Variants in PTAR1 observed in about 807,000 individuals in gnomAD.
The protein encoded by PTAR1 is protein prenyltransferase alpha subunit repeat containing 1, also known as protein prenyltransferase alpha subunit repeat-containing protein 1.
A neutral mutation model predicts 45.5 loss-of-function variants in PTAR1; 17 were observed. The ratio of observed to expected loss-of-function variants is 0.37; its 90% CI spans 0.26 to 0.56. The LOEUF (loss-of-function observed/expected upper bound fraction) is 0.56. PTAR1 is among the 20% of genes least tolerant of loss of function. PTAR1 has a pLI of 0.77. For synonymous variants in PTAR1, 169 were observed against 171.3 expected (o/e 0.99, Z 0.11); for missense variants, 391 against 476.3 (o/e 0.82, Z 1.67).
At chr9:69,722,464 CCT>C (rs1389452478) in intron 6 of PTAR1, among the ~76,000 whole-genome samples, 1 of 152,148 alleles carries the variant, frequency 6.6e-6, no homozygotes, top group Admixed American at 6.6e-5. Context: ...CAGACTTTCC[CCT>C]CTCTCAAAGA....
chr9:69,727,026 T>TATAC (rs144806019), intron 5 of PTAR1, among the ~76,000 whole-genome samples: 105 of 147,206 alleles, frequency 7.1e-4, no homozygotes, highest in Non-Finnish European at 1.2e-3. Context: ...ATTGTGTATA[T>TATAC]ACACACACAC....
At chr9:69,755,908 A>G (rs984985980) in intron 1 of PTAR1, among the ~76,000 whole-genome samples, 6 of 152,150 alleles carry the variant, frequency 3.9e-5, no homozygotes, top group Admixed American at 3.9e-4. Context: ...GGTTTTACAT[A>G]TATTTTATTC....
rs1001001799 is a variant in PTAR1, at chr9:69,717,317, A to G, written c.*1025T>C. ...TTTGTCATAAGTGAATTTGAAATTA[A>G]AAAGTAGTAATAGCTAAAAATGGCA... On this transcript the variant is annotated 3_prime_UTR_variant, in exon 8 of 8. Coordinates refer to ENST00000340434, the MANE Select transcript of PTAR1 (RefSeq NM_001099666.2). 6 of 152,176 alleles carry G rather than the reference A, an allele frequency of 3.9e-5. No individual in the cohort carries two copies. Among genetic ancestry groups the G allele is most frequent in the Non-Finnish European group, 7.4e-5 (5 of 68,024 alleles). The allele number at this position is 152,176 out of a possible 1,614,324, so 9.4% of individuals were successfully genotyped here. A position where few individuals can be genotyped will look rare whatever the true frequency, so the allele number is the denominator to read the frequency against.
intron 2 of PTAR1, among the ~76,000 whole-genome samples, chr9:69,750,294 G>A (rs1826464741): frequency 6.6e-6 from 1 of 152,004 alleles, no homozygotes; most frequent in Non-Finnish European, 1.5e-5. Flanking sequence ...AACTTGCAGT[G>A]GAATGGCACA....
rs73444517 is a variant in PTAR1, at chr9:69,736,037, T to G, written c.324-1783A>C. ...TTTTTCTTCTGAAATCAGTAACATTTTGTTCATACAGTAAGTCAGGATACC... is the reference window on the plus strand; with the variant it reads ...TTTTTCTTCTGAAATCAGTAACATTGTGTTCATACAGTAAGTCAGGATACC... On this transcript the variant is annotated intron_variant, in intron 3 of 7. Transcript: ENST00000340434. 9.0e-3 allele frequency among the ~76,000 whole-genome samples: 1,371 copies of G among 152,098 alleles called. 18 individuals are homozygous for G. Among genetic ancestry groups the G allele is most frequent in the African/African-American group, 0.03 (1,242 of 41,518 alleles).
intron 6 of PTAR1, among the ~76,000 whole-genome samples, chr9:69,719,099 G>T (rs554534081): frequency 3.0e-4 from 45 of 152,216 alleles, no homozygotes; most frequent in Non-Finnish European, 1.9e-4. Context: ...AGAAATAAGG[G>T]GAATGAACAG....
rs1824479592 is a variant in PTAR1, at chr9:69,710,375, T to C, written c.*7967A>G. ...AAACTGTTATTAAAATTAATTTTGCTTGTTTCTTTTTTAATATGGCTACTA... is the reference window on the plus strand; with the variant it reads ...AAACTGTTATTAAAATTAATTTTGCCTGTTTCTTTTTTAATATGGCTACTA... On this transcript the variant is annotated 3_prime_UTR_variant, in exon 8 of 8. Coordinates refer to ENST00000340434, the MANE Select transcript of PTAR1 (RefSeq NM_001099666.2). 6.6e-6 allele frequency: 1 copy of C among 152,152 alleles called. No individual in the cohort carries two copies. Among genetic ancestry groups the C allele is most frequent in the South Asian group, 2.1e-4 (1 of 4,832 alleles). 9.4% of individuals were successfully genotyped at this position (152,152 alleles called of 1,614,324 possible).
chr9:69,718,716 G>A, intron 6 of PTAR1, 32 bp from the exon 7 acceptor site: 3 of 1,465,364 alleles, frequency 2.0e-6, no homozygotes, highest in South Asian at 1.4e-5. Context: ...AGAGAATAAA[G>A]AAAATCACAT....
chr9:69,740,998 G>A (rs1826021440), intron 3 of PTAR1, among the ~76,000 whole-genome samples: 2 of 152,134 alleles, frequency 1.3e-5, no homozygotes, highest in Admixed American at 6.5e-5. Flanking sequence ...ACACATCTCA[G>A]TTGAGACTAA....
intron 2 of PTAR1, among the ~76,000 whole-genome samples, chr9:69,743,541 A>G (rs1369519215): frequency 6.6e-6 from 1 of 152,224 alleles, no homozygotes. Flanking sequence ...AATGAGCAAC[A>G]AACAGTAGGA....
intron 5 of PTAR1, among the ~76,000 whole-genome samples, chr9:69,726,697 T>C (rs547572259): frequency 6.6e-6 from 1 of 152,120 alleles, no homozygotes; most frequent in African/African-American, 2.4e-5. Context: ...TAAGCCTAAA[T>C]ATCTTTTCTT....
In PTAR1 at chr9:69,750,011, G is replaced by A. The variant is rs142962663; in HGVS notation, c.256+770C>T. Among the ~76,000 whole-genome samples, 594 of 152,144 alleles carry A rather than the reference G, an allele frequency of 3.9e-3. 4 individuals are homozygous for A. The highest frequency in any genetic ancestry group is 0.014 in the African/African-American group (566 of 41,516). The stretch of plus-strand genomic sequence containing the variant: ...CTGCCGTACATGGGAAGGGGAAGAA[G>A]CTTTACAAAAACAGTAAAGGACATG... On this transcript the variant is annotated intron_variant, in intron 2 of 7. Coordinates refer to ENST00000340434, the MANE Select transcript of PTAR1 (RefSeq NM_001099666.2).
rs1361614665 is a variant in PTAR1, at chr9:69,722,954, A to G, written c.947+372T>C. On this transcript the variant is annotated intron_variant, in intron 6 of 7. Transcript: ENST00000340434. ...AACTCTATCTCAAAAAAAAAAAAAA[A>G]AAAAGAGAGATGGCAGCAATCCATC... Among the ~76,000 whole-genome samples the G allele has an allele frequency of 2.0e-5, 3 of 151,636 alleles. No homozygotes were observed. In the East Asian group the frequency reaches 5.8e-4, roughly 29 times the overall value.
At chr9:69,719,653 T>C (rs771976938) in intron 6 of PTAR1, among the ~76,000 whole-genome samples, 3 of 152,200 alleles carry the variant, frequency 2.0e-5, no homozygotes, top group African/African-American at 7.2e-5. Context: ...GTTTATATTA[T>C]GCTTTGCTCT....
intron 6 of PTAR1, among the ~76,000 whole-genome samples, chr9:69,722,764 T>G (rs967412285): frequency 3.3e-5 from 5 of 151,438 alleles, no homozygotes; most frequent in Non-Finnish European, 7.4e-5. Flanking sequence ...CATGGTGAAA[T>G]TCCGTCTCTA....
rs1824760549 is a variant in PTAR1, at chr9:69,717,178, AAACTTT to A, written c.*1158_*1163del. The A allele has an allele frequency of 6.6e-6, 1 of 152,198 alleles. No homozygotes were observed. The highest frequency in any genetic ancestry group is 1.5e-5 in the Non-Finnish European group (1 of 68,026). The allele number at this position is 152,198 out of a possible 1,614,324, so 9.4% of individuals were successfully genotyped here. A position where few individuals can be genotyped will look rare whatever the true frequency, so the allele number is the denominator to read the frequency against. On this transcript the variant is annotated 3_prime_UTR_variant, in exon 8 of 8. Transcript: ENST00000340434. ...ATTCCTTCCCTTGGCATTTGCCAGT[AAACTTT>A]AACAGTCACTTCATGATAATTTTAT...
chr9:69,731,298 C>A (rs1168353851), intron 5 of PTAR1, among the ~76,000 whole-genome samples: 1 of 152,150 alleles, frequency 6.6e-6, no homozygotes, highest in Admixed American at 6.5e-5. Context: ...TCACCTGGGG[C>A]ACTTCAATCT....
chr9:69,728,009 C>CT (rs1364615460), intron 5 of PTAR1, among the ~76,000 whole-genome samples: 1 of 152,166 alleles, frequency 6.6e-6, no homozygotes, highest in Non-Finnish European at 1.5e-5. Context: ...CACTAACCTG[C>CT]TTTGCCTATT....
intron 1 of PTAR1, among the ~76,000 whole-genome samples, chr9:69,752,955 T>C (rs1055058391): frequency 7.2e-5 from 11 of 152,106 alleles, no homozygotes; most frequent in Non-Finnish European, 1.2e-4. Context: ...ATGAAGAATA[T>C]TAAAAAATAA....
Sources: allele counts gnomAD v4.1 joint callset (sites outside exome capture counted in the v4.1 genomes callset), GRCh38; gene constraint gnomAD v4.1.1; transcripts MANE v1.5; gene names NCBI Gene and HGNC (gene_info 2026-07-23, HGNC 2026-07-21).